The following EVI5 variants were observed in gnomAD, a reference collection of about 807,000 sequenced individuals.
EVI5 encodes the protein ecotropic viral integration site 5 protein homolog.
EVI5 carries 73 observed loss-of-function variants against 112.0 expected under a neutral mutation model. The observed-to-expected ratio is 0.65, with a 90% confidence interval of 0.54 to 0.79. EVI5 has a LOEUF of 0.79. EVI5 is among the 30% of genes least tolerant of loss of function. The pLI is 0.00. For synonymous variants in EVI5, 305 were observed against 319.9 expected (o/e 0.95, Z 0.50); for missense variants, 900 against 968.8 (o/e 0.93, Z 0.94).
At chr1:92,670,391 C>A (rs939361068) in intron 10 of EVI5, among the ~76,000 whole-genome samples, 1 of 152,202 alleles carries the variant, frequency 6.6e-6, no homozygotes, top group Non-Finnish European at 1.5e-5. Flanking sequence ...GTGATCCCAA[C>A]AACTTTTCAC....
chr1:92,667,075 T>C (rs973161280), intron 10 of EVI5, among the ~76,000 whole-genome samples: 1 of 152,126 alleles, frequency 6.6e-6, no homozygotes, highest in Non-Finnish European at 1.5e-5. Flanking sequence ...TCACTTGAGC[T>C]TGAGTTCAAG....
intron 2 of EVI5, among the ~76,000 whole-genome samples, chr1:92,711,624 T>A (rs1375575261): frequency 6.6e-6 from 1 of 152,078 alleles, no homozygotes; most frequent in Non-Finnish European, 1.5e-5. Context: ...GACTGCACTC[T>A]AGCCTACGTG....
At chr1:92,666,733 T>A (rs1664973657) in intron 10 of EVI5, among the ~76,000 whole-genome samples, 1 of 151,832 alleles carries the variant, frequency 6.6e-6, no homozygotes, top group African/African-American at 2.4e-5. Context: ...GCAAAGGAAA[T>A]ACTCACATTC....
rs1323815042 is a variant in EVI5, at chr1:92,690,619, G to A, written c.1097+3183C>T. On this transcript the variant is annotated intron_variant, in intron 9 of 19. Coordinates refer to ENST00000684568, the MANE Select transcript of EVI5 (RefSeq NM_001350197.2). ...CCTACCTCGGCCTCCCAAAGTACTG[G>A]GATTATAGGTGTGAGCCACTGTGCC... Among the ~76,000 whole-genome samples, 7 of 152,150 alleles carry A rather than the reference G, an allele frequency of 4.6e-5. No individual in the cohort carries two copies. The South Asian group carries it at 1.5e-3, about 32-fold the overall frequency.
At chr1:92,781,810 C>T (rs925447880) in intron 1 of EVI5, among the ~76,000 whole-genome samples, 1 of 151,896 alleles carries the variant, frequency 6.6e-6, no homozygotes, top group African/African-American at 2.4e-5. Flanking sequence ...CAAAAATTAG[C>T]TGGGCATGGT....
In EVI5 at chr1:92,662,703, C is replaced by T; in HGVS notation, c.1392+16G>A. 1 of 1,206,746 alleles carries T rather than the reference C, an allele frequency of 8.3e-7. No individual in the cohort carries two copies. The highest frequency in any genetic ancestry group is 1.5e-5 in the South Asian group (1 of 68,156). 74.8% of individuals were successfully genotyped at this position (1,206,746 alleles called of 1,614,324 possible). ...GGGGATGAGAAAGATGAGAAAAGCA[C>T]TACCAGACTCCTTACCCATTGTTGT... is the stretch of plus-strand genomic sequence containing the variant. On this transcript the variant is annotated intron_variant, in intron 13 of 19. Transcript: ENST00000684568.
intron 2 of EVI5, among the ~76,000 whole-genome samples, chr1:92,726,567 A>G (rs1275141219): frequency 1.3e-5 from 2 of 152,224 alleles, no homozygotes; most frequent in Non-Finnish European, 2.9e-5. Context: ...TGTTAAAGAA[A>G]AAGTATTTCA....
chr1:92,786,580 C>A (rs1197414224), upstream of EVI5, among the ~76,000 whole-genome samples: 1 of 152,164 alleles, frequency 6.6e-6, no homozygotes, highest in Non-Finnish European at 1.5e-5. Context: ...CTAGTCTAGG[C>A]TACCTTCACC....
intron 16 of EVI5, among the ~76,000 whole-genome samples, chr1:92,623,880 T>G (rs1264446004): frequency 1.3e-5 from 2 of 152,198 alleles, no homozygotes; most frequent in African/African-American, 2.4e-5. Flanking sequence ...TTGAGAAATT[T>G]TGCTCTGCAT....
At chr1:92,636,487 C>G in intron 13 of EVI5, 151 bp from the exon 14 acceptor site, 1 of 616,382 alleles carries the variant, frequency 1.6e-6, no homozygotes, top group Non-Finnish European at 2.7e-6. Context: ...TGTATCTCCT[C>G]CAATTAACTT....
chr1:92,573,028 T>C (rs771389286), intron 18 of EVI5, among the ~76,000 whole-genome samples: 3 of 152,116 alleles, frequency 2.0e-5, no homozygotes, highest in Non-Finnish European at 4.4e-5. Flanking sequence ...TAAGCCAGTT[T>C]GAACTGGATA....
In EVI5 at chr1:92,699,618, T is replaced by C. The variant is rs150107918; in HGVS notation, c.640-1633A>G. 2.4e-3 allele frequency among the ~76,000 whole-genome samples: 358 copies of C among 152,244 alleles called. 1 individual carries two copies. Among genetic ancestry groups the C allele is most frequent in the African/African-American group, 8.2e-3 (342 of 41,546 alleles). ...CATAGAGTGCACCTACACAAACCTA[T>C]ACCATATAGCTTACTATACACCTAG... On this transcript the variant is annotated intron_variant, in intron 5 of 19. Transcript: ENST00000684568.
At chr1:92,745,942 G>GC (rs1679190657) in intron 1 of EVI5, among the ~76,000 whole-genome samples, 1 of 152,232 alleles carries the variant, frequency 6.6e-6, no homozygotes, top group Non-Finnish European at 1.5e-5. Flanking sequence ...GCCTAAGGAT[G>GC]CCCATGTCCT....
At chr1:92,711,132 T>C (rs1411768781) in intron 2 of EVI5, among the ~76,000 whole-genome samples, 2 of 152,154 alleles carry the variant, frequency 1.3e-5, no homozygotes, top group African/African-American at 4.8e-5. Flanking sequence ...AATACTATGA[T>C]TTGAAAATAC....
At chr1:92,550,805 TATATATATAA>T (rs1285024914) in intron 19 of EVI5, among the ~76,000 whole-genome samples, 4 of 91,560 alleles carry the variant, frequency 4.4e-5, no homozygotes, top group African/African-American at 1.9e-4. Context: ...TATATATATA[TATATATATAA>T]CAAAAAAAAC....
chr1:92,665,947 A>C lies in EVI5; in HGVS notation c.1204T>G (p.Leu402Val). 1 of 1,602,470 alleles carries C rather than the reference A, an allele frequency of 6.2e-7. No individual in the cohort carries two copies. The change falls in exon 11 of 20, where the codon TTA becomes GTA. Residue 402 changes from leucine (L) to valine (V), a missense_variant. Leu to Val is a conservative substitution (Grantham distance 32). Transcript: ENST00000684568. ...NRLLKQRIET[L>V]EKESASLADR... ...AGTAGTCACTTACTTACTTTTTCTA[A>C]TGTCTCGATGCGCTGTTTTAAAAGT...
In EVI5 at chr1:92,657,360, A is replaced by G. The variant is rs533710007; in HGVS notation, c.1392+5359T>C. ...CATGATTAAAAACAGAAAAAACCCAACGAAACAAAAACCAAACATACGCCA... is the reference window on the plus strand; with the variant it reads ...CATGATTAAAAACAGAAAAAACCCAGCGAAACAAAAACCAAACATACGCCA... On this transcript the variant is annotated intron_variant, in intron 13 of 19. Coordinates refer to ENST00000684568, the MANE Select transcript of EVI5 (RefSeq NM_001350197.2). Among the ~76,000 whole-genome samples, 7 of 152,298 alleles carry G rather than the reference A, an allele frequency of 4.6e-5. No homozygotes were observed. In the East Asian group the frequency reaches 1.4e-3, roughly 29 times the overall value.
intron 19 of EVI5, among the ~76,000 whole-genome samples, chr1:92,543,641 C>A (rs1239502350): frequency 2.6e-5 from 4 of 152,186 alleles, no homozygotes; most frequent in Admixed American, 2.6e-4. Flanking sequence ...AACATGCCTG[C>A]CTCACAGCTT....
At chr1:92,634,779 T>C (rs988289393) in intron 14 of EVI5, among the ~76,000 whole-genome samples, 4 of 152,230 alleles carry the variant, frequency 2.6e-5, no homozygotes, top group African/African-American at 9.6e-5. Flanking sequence ...TTTCAGTTTT[T>C]CTGCTCTGTT....
Sources: allele counts gnomAD v4.1 joint callset (sites outside exome capture counted in the v4.1 genomes callset), GRCh38; gene constraint gnomAD v4.1.1; transcripts MANE v1.5; gene names NCBI Gene and HGNC (gene_info 2026-07-23, HGNC 2026-07-21).